EGFL6: variants seen among roughly 807,000 people sequenced by gnomAD.
EGFL6 encodes EGF like domain multiple 6.
EGFL6 carries 42 observed loss-of-function variants against 43.1 expected under a neutral mutation model. The ratio of observed to expected loss-of-function variants is 0.98; its 90% CI spans 0.76 to 1.26. EGFL6 has a LOEUF of 1.26. Ranked by LOEUF, EGFL6 falls within the 50% of genes most tolerant of loss-of-function variation. EGFL6 has a pLI of 0.00. For missense variants in EGFL6, 429 were observed against 427.8 expected, an observed-to-expected ratio of 1.00 and a Z score of -0.02; for synonymous variants, 164 against 163.2, an observed-to-expected ratio of 1.01 and a Z score of -0.04.
intron 2 of EGFL6, 113 bp from the exon 3 acceptor site, chrX:13,594,723 C>T: frequency 1.8e-6 from 1 of 543,315 alleles, no homozygotes; most frequent in Non-Finnish European, 3.0e-6. Flanking sequence ...GCAGATTGTC[C>T]TCTGTATGTC....
intron 1 of EGFL6, among the ~76,000 whole-genome samples, chrX:13,589,326 C>T (rs2045550265): frequency 8.9e-6 from 1 of 111,857 alleles, no homozygotes; most frequent in South Asian, 3.7e-4. Flanking sequence ...TTCATGTGCC[C>T]TAGTTTTATA....
intron 3 of EGFL6, among the ~76,000 whole-genome samples, chrX:13,597,931 C>T (rs1004795769): frequency 7.1e-5 from 8 of 112,435 alleles, no homozygotes; most frequent in South Asian, 3.7e-4. Context: ...ATATTTTCCA[C>T]GCTAGTTTTA....
chrX:13,583,992 G>A (rs190584190), intron 1 of EGFL6, among the ~76,000 whole-genome samples: 2 of 111,892 alleles, frequency 1.8e-5, no homozygotes, highest in African/African-American at 6.5e-5. Context: ...CTACTACTAC[G>A]AATAATAAAA....
intron 3 of EGFL6, among the ~76,000 whole-genome samples, chrX:13,599,109 C>G (rs2045618403): frequency 1.8e-5 from 2 of 109,819 alleles, no homozygotes; most frequent in African/African-American, 6.6e-5. Flanking sequence ...CAGGGGCCAG[C>G]CAAAATAATA....
chrX:13,595,176 G>C (rs775893195), intron 3 of EGFL6, among the ~76,000 whole-genome samples: 7 of 110,073 alleles, frequency 6.4e-5, no homozygotes, highest in South Asian at 3.8e-4. Flanking sequence ...ATAAGCTAAA[G>C]GTCTTTTATA....
chrX:13,597,790 A>C (rs2045608611), intron 3 of EGFL6, among the ~76,000 whole-genome samples: 1 of 111,582 alleles, frequency 9.0e-6, no homozygotes, highest in African/African-American at 3.3e-5. Context: ...TCTCAGAAAA[A>C]AAAATCATGC....
At chrX:13,597,676 C>G (rs761180256) in intron 3 of EGFL6, among the ~76,000 whole-genome samples, 2 of 111,024 alleles carry the variant, frequency 1.8e-5, no homozygotes, top group Non-Finnish European at 3.8e-5. Flanking sequence ...CCTAGCTACT[C>G]GGGAGGCTGA....
Position 13,593,291 on chromosome X carries a change from G to C in EGFL6, c.188-1545G>C, listed in dbSNP as rs991757205. ...GAACAAAGATTATATTATGACCTCT[G>C]TGCAAGGCGTGGCATGATCAGAGCT... On this transcript the variant is annotated intron_variant, in intron 2 of 11. Coordinates refer to ENST00000361306, the MANE Select transcript of EGFL6 (RefSeq NM_015507.4). Among the ~76,000 whole-genome samples the C allele has an allele frequency of 9.0e-5, 10 of 111,474 alleles. No individual in the cohort carries two copies. In the Admixed American group the frequency reaches 9.5e-4, roughly 11 times the overall value.
intron 1 of EGFL6, among the ~76,000 whole-genome samples, chrX:13,581,670 A>T (rs745927687): frequency 7.1e-5 from 8 of 112,491 alleles, no homozygotes; most frequent in Non-Finnish European, 1.5e-4. Context: ...ATTTTTGCAG[A>T]AAATAAGGAA....
chrX:13,597,732 T>A (rs907502731), intron 3 of EGFL6, among the ~76,000 whole-genome samples: 5 of 110,829 alleles, frequency 4.5e-5, no homozygotes, highest in Non-Finnish European at 3.8e-5. Flanking sequence ...TGCAGTGAGC[T>A]GAGATCGCGC....
intron 7 of EGFL6, 23 bp from the exon 8 acceptor site, chrX:13,617,707 A>G (rs1489978033): frequency 8.7e-7 from 1 of 1,145,201 alleles, no homozygotes; most frequent in Non-Finnish European, 1.2e-6. Context: ...AATTTGGAAC[A>G]TATTGCCTCT....
At chrX:13,570,929 G>C (rs766596756) in intron 1 of EGFL6, among the ~76,000 whole-genome samples, 1 of 111,966 alleles carries the variant, frequency 8.9e-6, no homozygotes, top group Non-Finnish European at 1.9e-5. Context: ...GTGATGTCTT[G>C]CTTTCTACTT....
chrX:13,588,423 A>G (rs1218070190), intron 1 of EGFL6, among the ~76,000 whole-genome samples: 1 of 112,532 alleles, frequency 8.9e-6, no homozygotes, highest in Non-Finnish European at 1.9e-5. Flanking sequence ...ACATTTTTAC[A>G]GTGTATTTAA....
chrX:13,608,342 T>C lies in EGFL6; in HGVS notation c.674T>C (p.Met225Thr), dbSNP rs755083555. Residue 225 changes from methionine (M) to threonine (T), a missense_variant, in exon 7 of 12, where the codon ATG becomes ACG. Physicochemically the swap from Met to Thr is moderately conservative, Grantham distance 81. Coordinates refer to ENST00000361306, the MANE Select transcript of EGFL6 (RefSeq NM_015507.4). ...TTTTTAGATATAAATGAATGTACTA[T>C]GGATAGCCATACGTGCAGCCACCAT... ...YDCIDINECT[M>T]DSHTCSHHAN... is the part of the protein sequence containing the mutation. The C allele has an allele frequency of 1.3e-5, 16 of 1,209,183 alleles. No homozygotes were observed. In the African/African-American group the frequency reaches 2.3e-4, roughly 17 times the overall value.
intron 10 of EGFL6, among the ~76,000 whole-genome samples, chrX:13,624,607 C>T (rs1478525870): frequency 2.7e-5 from 3 of 111,795 alleles, no homozygotes; most frequent in Non-Finnish European, 3.8e-5. Flanking sequence ...CCATTTAGAG[C>T]ACAAATTGAA....
chrX:13,613,915 A>G (rs762853931), intron 7 of EGFL6, among the ~76,000 whole-genome samples: 2 of 111,838 alleles, frequency 1.8e-5, no homozygotes, highest in Non-Finnish European at 3.8e-5. Flanking sequence ...TTTTTCTTCA[A>G]TTATAAACAT....
chrX:13,632,441 A>G (rs1194291192), intron 11 of EGFL6, among the ~76,000 whole-genome samples: 2 of 107,419 alleles, frequency 1.9e-5, no homozygotes, highest in South Asian at 4.2e-4. Context: ...AGCTGGGACT[A>G]CAGGCGCCCA....
At chrX:13,591,266 A>G (rs1022275159) in intron 2 of EGFL6, among the ~76,000 whole-genome samples, 1 of 111,770 alleles carries the variant, frequency 8.9e-6, no homozygotes, top group Admixed American at 9.5e-5. Flanking sequence ...CACGTGAAAC[A>G]CATGATTTAG....
At chrX:13,623,962 G>A (rs2045764796) in intron 10 of EGFL6, 37 bp downstream of exon 10, 2 of 1,041,889 alleles carry the variant, frequency 1.9e-6, no homozygotes. Context: ...CTGCAATATG[G>A]TGAAGGGATA....
Sources: allele counts gnomAD v4.1 joint callset (sites outside exome capture counted in the v4.1 genomes callset), GRCh38; gene constraint gnomAD v4.1.1; transcripts MANE v1.5; gene names NCBI Gene and HGNC (gene_info 2026-07-23, HGNC 2026-07-21).